The following CHD9 variants were observed in gnomAD, a reference collection of about 807,000 sequenced individuals.
CHD9 encodes ATP-dependent chromatin remodeler CHD9.
CHD9 carries 77 observed loss-of-function variants against 316.1 expected under a neutral mutation model. The observed-to-expected ratio is 0.24, with a 90% CI of 0.20 to 0.29. The LOEUF (loss-of-function observed/expected upper bound fraction) is 0.29. Ranked by LOEUF, CHD9 falls within the 10% of genes least tolerant of loss-of-function variation. The pLI is 1.00. For missense variants in CHD9, 2,763 were observed against 3,438.1 expected (o/e 0.80, Z 4.91); for synonymous variants, 1,129 against 1,158.3 (o/e 0.97, Z 0.51).
chr16:53,060,908 A>C (rs1166307033), intron 1 of CHD9, among the ~76,000 whole-genome samples: 11 of 150,284 alleles, frequency 7.3e-5, no homozygotes, highest in Admixed American at 4.6e-4. Context: ...GTGACAGGGC[A>C]AGATGTTGTC....
intron 3 of CHD9, among the ~76,000 whole-genome samples, chr16:53,211,212 G>A (rs2046307575): frequency 6.6e-6 from 1 of 152,088 alleles, no homozygotes; most frequent in Admixed American, 6.6e-5. Flanking sequence ...ACCGTTACTT[G>A]CCTCAAACTT....
intron 1 of CHD9, among the ~76,000 whole-genome samples, chr16:53,100,261 T>C (rs1015724065): frequency 6.6e-6 from 1 of 152,158 alleles, no homozygotes; most frequent in African/African-American, 2.4e-5. Context: ...ACTTATTTTG[T>C]CTATGGGTTC....
At chr16:53,104,969 G>A (rs1248004751) in intron 1 of CHD9, among the ~76,000 whole-genome samples, 4 of 151,164 alleles carry the variant, frequency 2.6e-5, no homozygotes, top group African/African-American at 7.3e-5. Flanking sequence ...AAGTAGCTAA[G>A]ACCATGACTG....
intron 29 of CHD9, among the ~76,000 whole-genome samples, chr16:53,294,457 T>C (rs1462309460): frequency 6.6e-6 from 1 of 152,186 alleles, no homozygotes; most frequent in Non-Finnish European, 1.5e-5. Context: ...AGCATTAATT[T>C]TTTATTTCTC....
In CHD9 at chr16:53,247,398, T is replaced by C. The variant is rs762257485; in HGVS notation, c.3560T>C (p.Ile1187Thr). The C allele has an allele frequency of 1.2e-6, 2 of 1,608,606 alleles. No individual in the cohort carries two copies. Among genetic ancestry groups the C allele is most frequent in the Non-Finnish European group, 1.7e-6 (2 of 1,177,116 alleles). Residue 1187 changes from isoleucine to threonine, a missense_variant, in exon 16 of 39, where the codon ATT becomes ACT. Around this residue, in one of 15 missense-constraint regions of CHD9, gnomAD observed 155 missense variants for 291.8 expected, o/e 0.53. Transcript: ENST00000447540. ...CAGTCTGCTGGTAAATTGGTCCTTATTGATAAATTGCTTCCCAAAATGAAA... is the reference window on the plus strand; with the variant it reads ...CAGTCTGCTGGTAAATTGGTCCTTACTGATAAATTGCTTCCCAAAATGAAA... ...MIQSAGKLVL[I>T]DKLLPKMKAG...
At chr16:53,165,314 A>G (rs1448993690) in intron 2 of CHD9, among the ~76,000 whole-genome samples, 1 of 152,206 alleles carries the variant, frequency 6.6e-6, no homozygotes, top group East Asian at 1.9e-4. Context: ...CTGAGTGGCA[A>G]TTACAAAAGG....
chr16:53,321,084 T>A, intron 37 of CHD9: 1 of 474,896 alleles, frequency 2.1e-6, no homozygotes, highest in Non-Finnish European at 3.9e-6. Context: ...ACAGGCATTA[T>A]GCTAAGGTAC....
intron 2 of CHD9, among the ~76,000 whole-genome samples, chr16:53,177,989 G>A (rs2043200463): frequency 6.6e-6 from 1 of 152,058 alleles, no homozygotes; most frequent in Admixed American, 6.5e-5. Context: ...CATCTCTTTG[G>A]CCTAAGCATG....
intron 1 of CHD9, among the ~76,000 whole-genome samples, chr16:53,102,537 A>T (rs2036968995): frequency 6.6e-6 from 1 of 152,006 alleles, no homozygotes; most frequent in Non-Finnish European, 1.5e-5. Context: ...GACACTCTAT[A>T]CCCACAATAA....
At chr16:53,254,044 G>A (rs1402103745) in intron 17 of CHD9, among the ~76,000 whole-genome samples, 1 of 152,104 alleles carries the variant, frequency 6.6e-6, no homozygotes, top group African/African-American at 2.4e-5. Flanking sequence ...AGATGTGGTG[G>A]CAGGTGCTTG....
chr16:53,070,192 T>C (rs2033889588), intron 1 of CHD9, among the ~76,000 whole-genome samples: 1 of 152,198 alleles, frequency 6.6e-6, no homozygotes, highest in East Asian at 1.9e-4. Context: ...AAGTATTTTC[T>C]CTGTGGATTG....
chr16:53,163,167 A>T (rs2042035388), intron 2 of CHD9, among the ~76,000 whole-genome samples: 1 of 138,674 alleles, frequency 7.2e-6, no homozygotes, highest in South Asian at 2.3e-4. Context: ...TTCCAGTGAG[A>T]TCTCTTGTTT....
intron 2 of CHD9, among the ~76,000 whole-genome samples, chr16:53,198,553 C>T (rs2045152314): frequency 6.6e-6 from 1 of 152,026 alleles, no homozygotes; most frequent in Non-Finnish European, 1.5e-5. Context: ...GTCTCAATCT[C>T]CTGACCTTGT....
chr16:53,261,203 C>G (rs1204518555), intron 19 of CHD9, among the ~76,000 whole-genome samples: 2 of 150,856 alleles, frequency 1.3e-5, no homozygotes, highest in African/African-American at 4.9e-5. Context: ...CAGTATTTAA[C>G]ATTTGCTTTA....
chr16:53,184,521 G>C (rs573038025), intron 2 of CHD9, among the ~76,000 whole-genome samples: 1 of 152,012 alleles, frequency 6.6e-6, no homozygotes, highest in East Asian at 1.9e-4. Flanking sequence ...TTTTGTTTTT[G>C]TTTTGTAGAC....
At chr16:53,312,108 TTTGTAAATGTACACAGTA>T (rs1186462492) in intron 34 of CHD9, 4 of 152,188 alleles carry the variant, frequency 2.6e-5, no homozygotes, top group African/African-American at 9.6e-5. Context: ...ATAGAATATG[TTTGTAAATGTACACAGTA>T]TTGTAAATGT....
chr16:53,126,931 G>C (rs1391111708), intron 1 of CHD9, among the ~76,000 whole-genome samples: 2 of 151,916 alleles, frequency 1.3e-5, no homozygotes, highest in South Asian at 2.1e-4. Context: ...CACCCACCTC[G>C]GCCTCCCAAA....
At chr16:53,251,617 A>C (rs192939155) in intron 17 of CHD9, among the ~76,000 whole-genome samples, 26 of 152,340 alleles carry the variant, frequency 1.7e-4, no homozygotes, top group African/African-American at 6.0e-4. Context: ...ACATTTTATG[A>C]TTTAATTTGT....
intron 1 of CHD9, among the ~76,000 whole-genome samples, chr16:53,135,304 CGTT>C (rs1436626838): frequency 1.3e-5 from 2 of 152,036 alleles, no homozygotes; most frequent in Non-Finnish European, 2.9e-5. Flanking sequence ...ACATTGCAGT[CGTT>C]GAAGATTTTG....
Sources: allele counts gnomAD v4.1 joint callset (sites outside exome capture counted in the v4.1 genomes callset), GRCh38; gene constraint gnomAD v4.1.1; regional missense constraint gnomAD v4.1.1; transcripts MANE v1.5; gene names NCBI Gene and HGNC (gene_info 2026-07-23, HGNC 2026-07-21).